Variants in SNAP91 observed in about 807,000 individuals in gnomAD.
SNAP91 encodes clathrin coat assembly protein AP180.
Under a neutral mutation model 100.3 loss-of-function variants are expected in SNAP91, and 27 were observed. The observed-to-expected ratio is 0.27, with a 90% CI of 0.20 to 0.37. The LOEUF is 0.37. Ranked by LOEUF, SNAP91 falls within the 10% of genes least tolerant of loss-of-function variation. The pLI, the probability that SNAP91 is intolerant of heterozygous loss-of-function variation, is 1.00. For missense variants in SNAP91, 986 were observed against 1,123.7 expected (o/e 0.88, Z 1.75); for synonymous variants, 404 against 398.6 (o/e 1.01, Z -0.16).
At chr6:83,652,772 G>A (rs563647003) in intron 7 of SNAP91, among the ~76,000 whole-genome samples, 33 of 152,006 alleles carry the variant, frequency 2.2e-4, no homozygotes, top group Non-Finnish European at 4.0e-4. Flanking sequence ...AGCATTTTTC[G>A]CAAATGCAGA....
At chr6:83,625,714 C>T (rs1484285133) in intron 8 of SNAP91, among the ~76,000 whole-genome samples, 1 of 152,030 alleles carries the variant, frequency 6.6e-6, no homozygotes, top group Non-Finnish European at 1.5e-5. Flanking sequence ...CCTTGGCCCA[C>T]TTTTTAATGG....
intron 11 of SNAP91, among the ~76,000 whole-genome samples, chr6:83,612,586 A>G (rs2096207265): frequency 6.6e-6 from 1 of 152,082 alleles, no homozygotes; most frequent in Non-Finnish European, 1.5e-5. Flanking sequence ...AATAAAGAAA[A>G]GAGAAGAGGC....
At chr6:83,681,121 T>C (rs2098983450) in intron 2 of SNAP91, among the ~76,000 whole-genome samples, 1 of 152,162 alleles carries the variant, frequency 6.6e-6, no homozygotes, top group Admixed American at 6.6e-5. Flanking sequence ...AAAGTATATC[T>C]TAGAATCACT....
At chr6:83,634,716 C>T (rs2097358722) in intron 8 of SNAP91, among the ~76,000 whole-genome samples, 2 of 152,012 alleles carry the variant, frequency 1.3e-5, no homozygotes, top group African/African-American at 4.8e-5. Context: ...TTTTCTAGTT[C>T]CTTTATGTGT....
intron 28 of SNAP91, among the ~76,000 whole-genome samples, chr6:83,559,599 G>A (rs1282629950): frequency 2.0e-5 from 3 of 152,182 alleles, no homozygotes; most frequent in East Asian, 1.9e-4. Flanking sequence ...CAGCTAGTCT[G>A]AAGTGGGGGT....
At chr6:83,689,238 C>T (rs1047906169) in intron 2 of SNAP91, among the ~76,000 whole-genome samples, 10 of 152,116 alleles carry the variant, frequency 6.6e-5, no homozygotes, top group South Asian at 6.2e-4. Context: ...CATTATGATT[C>T]GTGAACTGTC....
At chr6:83,678,521 C>T (rs1225458711) in intron 2 of SNAP91, among the ~76,000 whole-genome samples, 2 of 152,212 alleles carry the variant, frequency 1.3e-5, no homozygotes, top group East Asian at 1.9e-4. Flanking sequence ...TACCCACACA[C>T]GTGAAACTTA....
chr6:83,583,622 A>C (rs933538332), intron 22 of SNAP91, among the ~76,000 whole-genome samples: 1 of 152,204 alleles, frequency 6.6e-6, no homozygotes, highest in African/African-American at 2.4e-5. Flanking sequence ...TTCTATTATA[A>C]AAGAATTTAT....
chr6:83,597,406 A>G (rs2094595277), intron 16 of SNAP91, among the ~76,000 whole-genome samples: 1 of 152,230 alleles, frequency 6.6e-6, no homozygotes. Context: ...AAATGGCAGC[A>G]TTATCTTTCC....
chr6:83,700,106 C>T (rs576259946), intron 2 of SNAP91, among the ~76,000 whole-genome samples: 8 of 152,164 alleles, frequency 5.3e-5, no homozygotes, highest in South Asian at 2.1e-4. Context: ...AATAACAGCA[C>T]GTAAGACAGA....
At chr6:83,683,089 G>A (rs2099014354) in intron 2 of SNAP91, among the ~76,000 whole-genome samples, 1 of 151,974 alleles carries the variant, frequency 6.6e-6, no homozygotes, top group Admixed American at 6.6e-5. Context: ...TGTCAATCCT[G>A]ACCTAGTTTT....
intron 1 of SNAP91, chr6:83,708,334 C>T (rs896318544): frequency 1.2e-5 from 2 of 169,634 alleles, no homozygotes; most frequent in South Asian, 3.5e-4. Flanking sequence ...ATTCCCTGGG[C>T]GCCGCACCCA....
intron 16 of SNAP91, among the ~76,000 whole-genome samples, chr6:83,599,332 C>T (rs1430597481): frequency 6.6e-6 from 1 of 152,106 alleles, no homozygotes; most frequent in East Asian, 1.9e-4. Context: ...AACAAAAAAT[C>T]TAAACAGCTA....
At chr6:83,598,029 GAC>G (rs2094681550) in intron 16 of SNAP91, among the ~76,000 whole-genome samples, 1 of 152,144 alleles carries the variant, frequency 6.6e-6, no homozygotes, top group Admixed American at 6.5e-5. Context: ...CTCACAAATT[GAC>G]ACATTTGATT....
intron 14 of SNAP91, among the ~76,000 whole-genome samples, chr6:83,602,022 T>C (rs574122389): frequency 1.1e-3 from 175 of 152,294 alleles, no homozygotes; most frequent in African/African-American, 4.0e-3. Flanking sequence ...AATTTCACTT[T>C]AAGCATGTAT....
chr6:83,605,372 A>C (rs892289303), intron 14 of SNAP91, among the ~76,000 whole-genome samples: 1 of 152,182 alleles, frequency 6.6e-6, no homozygotes, highest in African/African-American at 2.4e-5. Context: ...CTAGAGAACA[A>C]TTACTAAAAA....
intron 26 of SNAP91, among the ~76,000 whole-genome samples, chr6:83,563,675 A>C (rs1282115600): frequency 6.6e-6 from 1 of 152,222 alleles, no homozygotes; most frequent in African/African-American, 2.4e-5. Flanking sequence ...AGGATACAAG[A>C]CCAATATACA....
At position 83,600,565 on chromosome 6, in the gene SNAP91, A is replaced by G. The variant is rs2095071163; in HGVS notation, c.1324+706T>C. ...ACATATATGAATAAACTGGCTTCACATGGCTCATCAGGTCCAGGCATATTA... is the reference window on the plus strand; with the variant it reads ...ACATATATGAATAAACTGGCTTCACGTGGCTCATCAGGTCCAGGCATATTA... On this transcript the variant is annotated intron_variant, in intron 16 of 29. Transcript: ENST00000369694. Among the ~76,000 whole-genome samples the G allele has an allele frequency of 2.6e-5, 4 of 152,348 alleles. No homozygotes were observed. In the South Asian group the frequency reaches 8.3e-4, roughly 32 times the overall value.
At chr6:83,618,866 T>C (rs1219193295) in intron 9 of SNAP91, among the ~76,000 whole-genome samples, 6 of 152,038 alleles carry the variant, frequency 3.9e-5, no homozygotes, top group African/African-American at 1.4e-4. Flanking sequence ...AAAGGGTGAT[T>C]TTTTTGGCTA....
Sources: gnomAD v4.1 joint callset for allele counts (sites outside exome capture counted in the v4.1 genomes callset) on GRCh38, gnomAD v4.1.1 for gene constraint, MANE v1.5 for transcripts, NCBI Gene and HGNC (gene_info 2026-07-23, HGNC 2026-07-21) for gene names.